PATJ: variants seen among roughly 807,000 people sequenced by gnomAD.
PATJ encodes inaD-like protein.
In PATJ, 190 loss-of-function variants were observed where a neutral mutation model predicts 224.9. The ratio of observed to expected loss-of-function variants is 0.84; its 90% CI spans 0.75 to 0.95. PATJ has a LOEUF of 0.95. PATJ is among the 40% of genes least tolerant of loss of function. The probability of loss-of-function intolerance (pLI) is 0.00; values close to 1 mark genes in which losing one functional copy is unlikely to be tolerated. For missense variants in PATJ, 2,121 were observed against 2,270.3 expected, an observed-to-expected ratio of 0.93 and a Z score of 1.34; for synonymous variants, 769 against 820.3, an observed-to-expected ratio of 0.94 and a Z score of 1.07.
At chr1:61,906,721 G>A (rs1210143078) in intron 24 of PATJ, among the ~76,000 whole-genome samples, 1 of 152,078 alleles carries the variant, frequency 6.6e-6, no homozygotes, top group South Asian at 2.1e-4. Flanking sequence ...CCCTAGTTAA[G>A]TGCAGCTCTG....
At chr1:61,916,218 TA>T (rs1015678580) in intron 26 of PATJ, among the ~76,000 whole-genome samples, 5 of 152,078 alleles carry the variant, frequency 3.3e-5, no homozygotes, top group Admixed American at 1.3e-4. Context: ...AACAAAAAAA[TA>T]AAAATATAAA....
Position 62,018,099 on chromosome 1 carries a change from T to C in PATJ, c.3959+152T>C, listed in dbSNP as rs75106252. On this transcript the variant is annotated intron_variant, in intron 29 of 43. Coordinates refer to ENST00000642238, the MANE Select transcript of PATJ (RefSeq NM_001350145.3). The surrounding 1 kb of genome is among the most constrained non-coding windows in gnomAD (Gnocchi z 4.2). ...TGTAACTGTCACTTCAAGAAAAGTA[T>C]TGATTGTTTTGATTATGAGATTGTC... The C allele has an allele frequency of 3.7e-3, 1,937 of 521,994 alleles. 31 individuals carry two copies. The highest frequency in any genetic ancestry group is 0.032 in the African/African-American group (1,701 of 53,178). The allele number at this position is 521,994 out of a possible 1,614,324, so 32.3% of individuals were successfully genotyped here. A position where few individuals can be genotyped will look rare whatever the true frequency, so the allele number is the denominator to read the frequency against.
At chr1:61,861,197 C>A (rs1234202667) in intron 18 of PATJ, among the ~76,000 whole-genome samples, 1 of 141,490 alleles carries the variant, frequency 7.1e-6, no homozygotes, top group Non-Finnish European at 1.5e-5. Context: ...TCTAATGAAA[C>A]AATTTGAATA....
At chr1:61,998,762 C>T (rs998834850) in intron 28 of PATJ, among the ~76,000 whole-genome samples, 2 of 152,142 alleles carry the variant, frequency 1.3e-5, no homozygotes, top group Non-Finnish European at 2.9e-5. Context: ...TAGTTCGTAT[C>T]GGTTGGCCTC....
At chr1:62,108,886 C>A (rs1358529324) in intron 34 of PATJ, among the ~76,000 whole-genome samples, 1 of 152,044 alleles carries the variant, frequency 6.6e-6, no homozygotes, top group Non-Finnish European at 1.5e-5. Flanking sequence ...ACATATATAC[C>A]TGATATTTTA....
At chr1:61,771,358 G>A (rs562851092) in intron 5 of PATJ, 73 bp from the exon 6 acceptor site, 260 of 909,906 alleles carry the variant, frequency 2.9e-4, no homozygotes, top group Non-Finnish European at 3.8e-4. Flanking sequence ...GCAACAAACT[G>A]CTTAACTTTA....
At chr1:61,785,999 T>C (rs1031475735) in intron 7 of PATJ, among the ~76,000 whole-genome samples, 4 of 152,118 alleles carry the variant, frequency 2.6e-5, no homozygotes, top group East Asian at 1.9e-4. Flanking sequence ...TTTCAACTCA[T>C]CTGGAATCTT....
At chr1:62,076,507 A>T (rs1658335386) in intron 31 of PATJ, among the ~76,000 whole-genome samples, 1 of 152,170 alleles carries the variant, frequency 6.6e-6, no homozygotes, top group Non-Finnish European at 1.5e-5. Flanking sequence ...AGTCATGGGA[A>T]CACTCCTTCA....
Position 61,791,448 on chromosome 1 carries a change from G to GGGAAGCTTCAGGGATT in PATJ, c.1168+1_1168+2insGGAAGCTTCAGGGATT. 1 of 1,527,988 alleles carries GGGAAGCTTCAGGGATT rather than the reference G, an allele frequency of 6.5e-7. No homozygotes were observed. The highest frequency in any genetic ancestry group is 9.1e-7 in the Non-Finnish European group (1 of 1,104,448). 94.7% of individuals were successfully genotyped at this position (1,527,988 alleles called of 1,614,324 possible). A position where few individuals can be genotyped will look rare whatever the true frequency, so the allele number is the denominator to read the frequency against. ...GGCTATGTTGGAACATCTCATACAG[G>GGGAAGCTTCAGGGATT]TAAATGAATCATTTCTATTTTATAT... is the stretch of plus-strand genomic sequence containing the variant. On this transcript the variant is annotated splice_donor_variant, in intron 9 of 43. Coordinates refer to ENST00000642238, the MANE Select transcript of PATJ (RefSeq NM_001350145.3). LOFTEE classifies it high-confidence loss of function.
chr1:62,031,159 C>T (rs1001149463), intron 29 of PATJ, among the ~76,000 whole-genome samples: 7 of 152,140 alleles, frequency 4.6e-5, no homozygotes, highest in Non-Finnish European at 7.3e-5. Context: ...CTCTGTTCAC[C>T]GTGGTCATTC....
At chr1:62,089,069 A>G (rs1479129602) in intron 33 of PATJ, among the ~76,000 whole-genome samples, 1 of 152,112 alleles carries the variant, frequency 6.6e-6, no homozygotes, top group Non-Finnish European at 1.5e-5. Flanking sequence ...TGTAAATAAA[A>G]GTCTTTTTAC....
intron 22 of PATJ, among the ~76,000 whole-genome samples, chr1:61,885,899 T>C (rs1668756215): frequency 6.6e-6 from 1 of 151,454 alleles, no homozygotes. Context: ...AAATTGGAAA[T>C]CATCGTTCTC....
intron 28 of PATJ, among the ~76,000 whole-genome samples, chr1:61,997,537 A>G (rs1645437209): frequency 6.6e-6 from 1 of 152,234 alleles, no homozygotes; most frequent in East Asian, 1.9e-4. Context: ...GGTGCTGAAT[A>G]GGGAATTGAG....
At chr1:61,819,375 GTTTA>G (rs1038406174) in intron 14 of PATJ, among the ~76,000 whole-genome samples, 25 of 152,200 alleles carry the variant, frequency 1.6e-4, no homozygotes, top group Admixed American at 1.2e-3. Context: ...TTGATTGGTT[GTTTA>G]TTTATGTATT....
chr1:61,849,857 G>A (rs1662541424), intron 17 of PATJ, among the ~76,000 whole-genome samples: 1 of 152,172 alleles, frequency 6.6e-6, no homozygotes, highest in Non-Finnish European at 1.5e-5. Context: ...TTTGAATGTA[G>A]TTAAGTCTTT....
intron 21 of PATJ, among the ~76,000 whole-genome samples, chr1:61,883,818 A>G (rs1293020204): frequency 1.3e-5 from 2 of 148,586 alleles, no homozygotes; most frequent in East Asian, 3.9e-4. Context: ...AAACCCTTTT[A>G]AAAATAGAAG....
intron 1 of PATJ, among the ~76,000 whole-genome samples, chr1:61,753,970 TA>T (rs1645477625): frequency 6.6e-6 from 1 of 152,160 alleles, no homozygotes; most frequent in Non-Finnish European, 1.5e-5. Context: ...CCTTGGGTTT[TA>T]AAAAGCCACA....
At chr1:62,048,689 C>A (rs1428682917) in intron 30 of PATJ, among the ~76,000 whole-genome samples, 7 of 151,502 alleles carry the variant, frequency 4.6e-5, no homozygotes, top group East Asian at 1.9e-4. Context: ...TTTAAAGCAA[C>A]CTTATAGGGT....
At chr1:61,978,041 C>G (rs1018135263) in intron 27 of PATJ, among the ~76,000 whole-genome samples, 1 of 151,730 alleles carries the variant, frequency 6.6e-6, no homozygotes, top group East Asian at 1.9e-4. Context: ...TTACTAATAC[C>G]CAGAAGTCAC....
Sources: allele counts gnomAD v4.1 joint callset (sites outside exome capture counted in the v4.1 genomes callset), GRCh38; gene constraint gnomAD v4.1.1; non-coding constraint Gnocchi (gnomAD v3.1); transcripts MANE v1.5; gene names NCBI Gene and HGNC (gene_info 2026-07-23, HGNC 2026-07-21).